The following SLC25A48 variants were observed in gnomAD, a reference collection of about 807,000 sequenced individuals.
The protein encoded by SLC25A48 is CTC-321K16.1.
A neutral mutation model predicts 32.2 loss-of-function variants in SLC25A48; 29 were observed. The ratio of observed to expected loss-of-function variants is 0.90; its 90% confidence interval spans 0.67 to 1.23. SLC25A48 has a LOEUF of 1.23. SLC25A48 is among the 50% of genes most tolerant of loss of function. The pLI is 0.00. For missense variants in SLC25A48, 399 were observed against 422.7 expected (o/e 0.94, Z 0.49); for synonymous variants, 164 against 172.3 (o/e 0.95, Z 0.38).
At chr5:135,859,585 T>C (rs1409539913) in intron 4 of SLC25A48, among the ~76,000 whole-genome samples, 2 of 152,162 alleles carry the variant, frequency 1.3e-5, no homozygotes, top group Non-Finnish European at 2.9e-5. Flanking sequence ...CTCAAATCAA[T>C]CTCATAGGAG....
Position 135,880,106 on chromosome 5 carries a change from G to C in SLC25A48, c.*7+9G>C. On this transcript the variant is annotated intron_variant, in intron 7 of 7. Coordinates refer to ENST00000681962, the MANE Select transcript of SLC25A48 (RefSeq NM_001349336.2). ...GAGCCCATAAGCGCCAGGTCAGTGTGCTTCCATCCTGGCCAATTGTGCCTC... is the reference window on the plus strand; with the variant it reads ...GAGCCCATAAGCGCCAGGTCAGTGTCCTTCCATCCTGGCCAATTGTGCCTC... The C allele has an allele frequency of 6.5e-7, 1 of 1,531,244 alleles. No homozygotes were observed. The highest frequency in any genetic ancestry group is 8.7e-7 in the Non-Finnish European group (1 of 1,145,026). 94.9% of individuals were successfully genotyped at this position (1,531,244 alleles called of 1,614,324 possible).
At chr5:135,740,188 G>A (rs758211171) in intron 3 of SLC25A48, among the ~76,000 whole-genome samples, 5 of 151,172 alleles carry the variant, frequency 3.3e-5, no homozygotes, top group Non-Finnish European at 7.4e-5. Context: ...GTGTGTGTAT[G>A]TATATATATA....
chr5:135,832,061 G>A (rs1184850948), upstream of SLC25A48, among the ~76,000 whole-genome samples: 1 of 152,194 alleles, frequency 6.6e-6, no homozygotes, highest in Non-Finnish European at 1.5e-5. Flanking sequence ...GGGTGGAGGT[G>A]TGTTTCTCTA....
At chr5:135,825,431 C>T (rs1014420476) in intron 4 of SLC25A48, among the ~76,000 whole-genome samples, 5 of 152,134 alleles carry the variant, frequency 3.3e-5, no homozygotes, top group Admixed American at 1.3e-4. Flanking sequence ...ACAGAGGAGG[C>T]AAGGCCGGTG....
In SLC25A48 at chr5:135,621,209, A is replaced by G. The variant is rs559436955; in HGVS notation, c.-848-8028A>G. ...GATGTGTAATCTTGGTTAAATTGCT[A>G]AATATCTCTGGGCCTCAACTTTCCC... On this transcript the variant is annotated intron_variant, in intron 1 of 10. Transcript: ENST00000646290. Among the ~76,000 whole-genome samples the G allele has an allele frequency of 1.2e-4, 19 of 152,326 alleles. 1 individual carries two copies. Among genetic ancestry groups the G allele is most frequent in the African/African-American group, 4.6e-4 (19 of 41,578 alleles).
At chr5:135,771,724 T>G (rs1756417266) in intron 3 of SLC25A48, among the ~76,000 whole-genome samples, 1 of 151,656 alleles carries the variant, frequency 6.6e-6, no homozygotes. Context: ...GTGATATTGT[T>G]TGTAATATCC....
chr5:135,591,501 G>A (rs932388371), intron 1 of SLC25A48, among the ~76,000 whole-genome samples: 7 of 152,210 alleles, frequency 4.6e-5, no homozygotes, highest in African/African-American at 1.4e-4. Context: ...TGGCAGCTGT[G>A]TTGGACAGTT....
chr5:135,848,487 G>A (rs1318247122), intron 2 of SLC25A48, among the ~76,000 whole-genome samples: 1 of 152,174 alleles, frequency 6.6e-6, no homozygotes, highest in Non-Finnish European at 1.5e-5. Context: ...TCATCTTGCT[G>A]CATTTTCCAG....
rs138019923 is a variant in SLC25A48 at position 135,722,232 on chromosome 5, TA to T, written c.-521+87277del. Among the ~76,000 whole-genome samples the T allele has an allele frequency of 5.8e-4, 88 of 152,332 alleles. 1 individual carries two copies. The East Asian group carries it at 0.016, about 28-fold the overall frequency. ...CTCTTTCTTCGAAATCTCTCACATT[TA>T]CTTGTGCTTGCTCTATCTGAAAGCA... On this transcript the variant is annotated intron_variant, in intron 3 of 10. Transcript: ENST00000646290.
In SLC25A48 at chr5:135,850,411, G is replaced by T. The variant is rs952885882; in HGVS notation, c.91-14G>T. 1.2e-6 allele frequency: 2 copies of T among 1,614,070 alleles called. No individual in the cohort carries two copies. Among genetic ancestry groups the T allele is most frequent in the Non-Finnish European group, 1.7e-6 (2 of 1,179,962 alleles). ...AACCTCTGCGCTGACCCATGTCCTT[G>T]CCTCTCTCCATAGACTCGCCTGCAG... On this transcript the variant is annotated splice_polypyrimidine_tract_variant and intron_variant, in intron 2 of 7. Coordinates refer to ENST00000681962, the MANE Select transcript of SLC25A48 (RefSeq NM_001349336.2).
chr5:135,729,829 G>C (rs900371426), intron 3 of SLC25A48, among the ~76,000 whole-genome samples: 1 of 152,152 alleles, frequency 6.6e-6, no homozygotes, highest in Non-Finnish European at 1.5e-5. Flanking sequence ...AAAGTAACTA[G>C]ACATATCTTT....
At chr5:135,667,542 T>C (rs1271950442) in intron 3 of SLC25A48, among the ~76,000 whole-genome samples, 1 of 152,212 alleles carries the variant, frequency 6.6e-6, no homozygotes, top group Non-Finnish European at 1.5e-5. Flanking sequence ...CTTAGCTTTC[T>C]TGTTATTTTC....
chr5:135,823,919 C>G (rs921440562), intron 4 of SLC25A48, among the ~76,000 whole-genome samples: 2 of 152,112 alleles, frequency 1.3e-5, no homozygotes, highest in African/African-American at 4.8e-5. Context: ...CTGGACTGGA[C>G]AGAGTGAAGG....
At chr5:135,754,171 C>G (rs781704401) in intron 3 of SLC25A48, among the ~76,000 whole-genome samples, 3 of 151,772 alleles carry the variant, frequency 2.0e-5, no homozygotes, top group Non-Finnish European at 2.9e-5. Context: ...CAGTAGCAGT[C>G]ATATCTCGAT....
intron 3 of SLC25A48, among the ~76,000 whole-genome samples, chr5:135,752,552 C>T (rs558870397): frequency 2.0e-5 from 3 of 151,512 alleles, no homozygotes; most frequent in South Asian, 4.2e-4. Context: ...GGTGGTTTCC[C>T]ACTGTTATAT....
chr5:135,844,785 T>G (rs1371314352), intron 2 of SLC25A48, among the ~76,000 whole-genome samples: 1 of 152,220 alleles, frequency 6.6e-6, no homozygotes, highest in African/African-American at 2.4e-5. Flanking sequence ...AAATGGTATT[T>G]ATAAATTTCT....
At chr5:135,874,216 G>A in intron 6 of SLC25A48, 62 bp downstream of exon 6, 1 of 1,396,002 alleles carries the variant, frequency 7.2e-7, no homozygotes, top group East Asian at 2.8e-5. Flanking sequence ...CACACATTTA[G>A]GGGGATGTGG....
chr5:135,635,918 A>G (rs1292120906), intron 3 of SLC25A48, among the ~76,000 whole-genome samples: 1 of 152,194 alleles, frequency 6.6e-6, no homozygotes, highest in Non-Finnish European at 1.5e-5. Flanking sequence ...TGAGGACCAA[A>G]GTAAGTCCAT....
At chr5:135,732,461 T>G (rs1191982692) in intron 3 of SLC25A48, among the ~76,000 whole-genome samples, 2 of 152,030 alleles carry the variant, frequency 1.3e-5, no homozygotes, top group Non-Finnish European at 2.9e-5. Context: ...ACCCAAGGCA[T>G]GTGAGTAAAG....
Sources: allele counts gnomAD v4.1 joint callset (sites outside exome capture counted in the v4.1 genomes callset), GRCh38; gene constraint gnomAD v4.1.1; transcripts MANE v1.5; gene names NCBI Gene and HGNC (gene_info 2026-07-23, HGNC 2026-07-21).